The following KCTD15 variants were observed in gnomAD, a reference collection of about 807,000 sequenced individuals.
KCTD15 encodes potassium channel tetramerization domain containing 15.
KCTD15 carries 11 observed loss-of-function variants against 27.2 expected under a neutral mutation model. The observed-to-expected ratio is 0.41, with a 90% confidence interval of 0.25 to 0.67. The LOEUF (loss-of-function observed/expected upper bound fraction) is 0.67. Ranked by LOEUF, KCTD15 falls within the 30% of genes least tolerant of loss-of-function variation. The pLI is 0.35. For missense variants in KCTD15, 350 were observed against 409.3 expected, an observed-to-expected ratio of 0.86 and a Z score of 1.25; for synonymous variants, 163 against 176.0, an observed-to-expected ratio of 0.93 and a Z score of 0.58.
At chr19:33,808,741 C>G in intron 5 of KCTD15, among the ~76,000 whole-genome samples, 1 of 152,066 alleles carries the variant, frequency 6.6e-6, no homozygotes, top group South Asian at 2.1e-4. Flanking sequence ...TGCAGTGAGG[C>G]AATTATGGAT....
At chr19:33,794,391 C>T (rs1407262845), upstream of KCTD15, among the ~76,000 whole-genome samples, 1 of 152,226 alleles carries the variant, frequency 6.6e-6, no homozygotes, top group East Asian at 1.9e-4. Context: ...ATCACATTGC[C>T]ATGTGGCTTC....
chr19:33,811,210 C>T lies in KCTD15; in HGVS notation c.388-37C>T, dbSNP rs551334944. 1.4e-5 allele frequency: 20 copies of T among 1,428,546 alleles called. No homozygotes were observed. In the South Asian group the frequency reaches 1.7e-4, roughly 12 times the overall value. The allele number at this position is 1,428,546 out of a possible 1,614,324, so 88.5% of individuals were successfully genotyped here. On this transcript the variant is annotated intron_variant, in intron 5 of 6. Transcript: ENST00000683859. ...CCCCCTTCCCCCACCACCCCTACTC[C>T]GACACCCACATCAACACCCTGTGCG...
intron 4 of KCTD15, among the ~76,000 whole-genome samples, chr19:33,802,792 G>T (rs563401024): frequency 2.9e-4 from 44 of 152,370 alleles, no homozygotes; most frequent in African/African-American, 1.0e-3. Flanking sequence ...GACGACGTTT[G>T]TGAGTGAAAT....
chr19:33,801,771 A>T (rs1975558237), intron 4 of KCTD15: 1 of 156,122 alleles, frequency 6.4e-6, no homozygotes. Context: ...TGGGTATTTA[A>T]TCCTATTTTC....
At chr19:33,811,176 C>G (rs1009651497) in intron 5 of KCTD15, 71 bp from the exon 6 acceptor site, 1 of 1,004,162 alleles carries the variant, frequency 1.0e-6, no homozygotes, top group East Asian at 2.7e-5. Flanking sequence ...GGCAGGCCGC[C>G]TCCCCTCTCC....
chr19:33,812,096 G>A (rs759932536), intron 6 of KCTD15: 11 of 1,323,130 alleles, frequency 8.3e-6, no homozygotes, highest in African/African-American at 3.0e-5. Context: ...ACATTTCCGG[G>A]TTAGGGTGGA....
chr19:33,814,966 G>A lies in KCTD15; in HGVS notation c.*2018G>A, dbSNP rs182050216. On this transcript the variant is annotated 3_prime_UTR_variant, in exon 7 of 7. Transcript: ENST00000683859. Reference sequence around the variant, plus strand: ...TTGATAGGTTTCTCTGCTTAGCAACGAGCCTATAGTTAGTTGGCACATCTG... The same window carrying A: ...TTGATAGGTTTCTCTGCTTAGCAACAAGCCTATAGTTAGTTGGCACATCTG... 7.9e-5 allele frequency: 12 copies of A among 152,304 alleles called. No individual in the cohort carries two copies. The East Asian group carries it at 1.3e-3, about 17-fold the overall frequency. The allele number at this position is 152,304 out of a possible 1,614,324, so 9.4% of individuals were successfully genotyped here.
At position 33,813,442 on chromosome 19, in the gene KCTD15, A is replaced by G. The variant is rs998503802; in HGVS notation, c.*494A>G. 3 of 456,210 alleles carry G rather than the reference A, an allele frequency of 6.6e-6. No homozygotes were observed. Among genetic ancestry groups the G allele is most frequent in the African/African-American group, 4.0e-5 (2 of 50,230 alleles). The allele number at this position is 456,210 out of a possible 1,614,324, so 28.3% of individuals were successfully genotyped here. A position where few individuals can be genotyped will look rare whatever the true frequency, so the allele number is the denominator to read the frequency against. On this transcript the variant is annotated 3_prime_UTR_variant, in exon 7 of 7. Coordinates refer to ENST00000683859, the MANE Select transcript of KCTD15 (RefSeq NM_001129994.2). ...ACCAATGCTTCTTTATCTGGTGCTC[A>G]GTTCTCAGTCAGACGTGCAGCATGG...
chr19:33,812,943 G>C lies in KCTD15; in HGVS notation c.847G>C (p.Asp283His), dbSNP rs781562603. ...TGTTCGAATCAAGCAGGAACCCCTGGACTAGGCCCTGCTTCAGTGCCCACC... is the reference window on the plus strand; with the variant it reads ...TGTTCGAATCAAGCAGGAACCCCTGCACTAGGCCCTGCTTCAGTGCCCACC... ...TAVRIKQEPL[D>H] Residue 283 changes from aspartate to histidine, a missense_variant, in exon 7 of 7, where the codon GAC (aspartate) becomes CAC (histidine). Asp to His is a moderately conservative substitution (Grantham distance 81). Coordinates refer to ENST00000683859, the MANE Select transcript of KCTD15 (RefSeq NM_001129994.2). 16 of 1,545,948 alleles carry C rather than the reference G, an allele frequency of 1.0e-5. No individual in the cohort carries two copies. Among genetic ancestry groups the C allele is most frequent in the African/African-American group, 4.1e-5 (3 of 73,004 alleles).
rs1975736734 is a variant in KCTD15 at position 33,807,090 on chromosome 19, CT to C, written c.387+84del. The stretch of plus-strand genomic sequence containing the variant: ...ACGCTGTGACTTAATAAGTGGACCC[CT>C]GGTTGTCATGGTAACCATAAAAAGT... On this transcript the variant is annotated intron_variant, in intron 5 of 6. Transcript: ENST00000683859. 3 of 1,451,326 alleles carry C rather than the reference CT, an allele frequency of 2.1e-6. No individual in the cohort carries two copies. The South Asian group carries it at 4.0e-5, about 20-fold the overall frequency. 89.9% of individuals were successfully genotyped at this position (1,451,326 alleles called of 1,614,324 possible).
At position 33,801,319 on chromosome 19, in the gene KCTD15, G is replaced by A. The variant is rs1320414122; in HGVS notation, c.219G>A (p.Thr73=). 8.7e-6 allele frequency: 14 copies of A among 1,611,052 alleles called. No individual in the cohort carries two copies. The highest frequency in any genetic ancestry group is 1.6e-4 in the Middle Eastern group (1 of 6,062). The change falls in exon 4 of 7, where the codon ACG becomes ACA. Residue 73 remains threonine, a synonymous_variant. Coordinates refer to ENST00000683859, the MANE Select transcript of KCTD15 (RefSeq NM_001129994.2). ...GGHMYTSSLA[T]LTKYPDSRIS... is the part of the protein sequence containing the mutation. ...ACATGTACACCAGCAGCCTGGCCAC[G>A]CTCACCAAGTACCCTGACTCCAGGT...
chr19:33,806,344 C>T lies in KCTD15; in HGVS notation c.243-519C>T, dbSNP rs113665949. Among the ~76,000 whole-genome samples the T allele has an allele frequency of 1.5e-4, 23 of 152,270 alleles. 2 individuals are homozygous for T. Among genetic ancestry groups the T allele is most frequent in the African/African-American group, 5.5e-4 (23 of 41,536 alleles). On this transcript the variant is annotated intron_variant, in intron 4 of 6. Transcript: ENST00000683859. ...TGTTGGGAAGGAAGGGACCATGTGA[C>T]CCTGTGCCTGTTGCACAGGCCTGTG...
At chr19:33,808,068 G>A (rs1258423535) in intron 5 of KCTD15, among the ~76,000 whole-genome samples, 1 of 152,262 alleles carries the variant, frequency 6.6e-6, no homozygotes, top group Non-Finnish European at 1.5e-5. Flanking sequence ...CGTCAGGGCA[G>A]GTGACCTGGT....
intron 1 of KCTD15, chr19:33,798,288 G>A (rs1187684201): frequency 6.6e-6 from 1 of 152,144 alleles, no homozygotes; most frequent in Non-Finnish European, 1.5e-5. Flanking sequence ...GACTTCAGAA[G>A]AAGCGATTTA....
At chr19:33,803,240 T>G (rs955430574) in intron 4 of KCTD15, among the ~76,000 whole-genome samples, 1 of 152,016 alleles carries the variant, frequency 6.6e-6, no homozygotes, top group Non-Finnish European at 1.5e-5. Flanking sequence ...TGCAGGACAA[T>G]CAGGGGACAG....
At position 33,813,270 on chromosome 19, in the gene KCTD15, G is replaced by T. The variant is rs752407637; in HGVS notation, c.*322G>T. On this transcript the variant is annotated 3_prime_UTR_variant, in exon 7 of 7. Coordinates refer to ENST00000683859, the MANE Select transcript of KCTD15 (RefSeq NM_001129994.2). Reference sequence around the variant, plus strand: ...CTGTTGGGGCGGGGTTGGAAGAGCCGTCTGCAGCTACTTCAGAGGAGCTGT... The same window carrying T: ...CTGTTGGGGCGGGGTTGGAAGAGCCTTCTGCAGCTACTTCAGAGGAGCTGT... 1.7e-6 allele frequency: 1 copy of T among 596,706 alleles called. No individual in the cohort carries two copies. Among genetic ancestry groups the T allele is most frequent in the Non-Finnish European group, 3.1e-6 (1 of 317,926 alleles). The allele number at this position is 596,706 out of a possible 1,614,324, so 37.0% of individuals were successfully genotyped here.
intron 4 of KCTD15, among the ~76,000 whole-genome samples, chr19:33,805,914 C>G (rs951219603): frequency 2.6e-5 from 4 of 152,212 alleles, no homozygotes; most frequent in African/African-American, 9.6e-5. Flanking sequence ...GGACAGGCAT[C>G]AGGGGCTCCC....
chr19:33,801,435 A>C, intron 4 of KCTD15, 93 bp downstream of exon 4: 1 of 1,128,840 alleles, frequency 8.9e-7, no homozygotes, highest in Non-Finnish European at 1.2e-6. Flanking sequence ...CCCCACTGTC[A>C]CTCCACCCAC....
intron 4 of KCTD15, 75 bp downstream of exon 4, chr19:33,801,417 G>A: frequency 3.0e-6 from 4 of 1,326,224 alleles, no homozygotes; most frequent in Non-Finnish European, 4.1e-6. Flanking sequence ...CTAGGGGGTG[G>A]GGTCTCTCCC....
Sources: gnomAD v4.1 joint callset for allele counts (sites outside exome capture counted in the v4.1 genomes callset) on GRCh38, gnomAD v4.1.1 for gene constraint, MANE v1.5 for transcripts, NCBI Gene and HGNC (gene_info 2026-07-23, HGNC 2026-07-21) for gene names.